Variants in KCNK1 observed in about 807,000 individuals in gnomAD.
KCNK1 encodes potassium two pore domain channel subfamily K member 1, also known as potassium channel subfamily K member 1.
A neutral mutation model predicts 22.2 loss-of-function variants in KCNK1; 10 were observed. The observed-to-expected ratio is 0.45, with a 90% CI of 0.28 to 0.76. The LOEUF (loss-of-function observed/expected upper bound fraction) is 0.76, where lower values mean the gene tolerates loss of function less well. Ranked by LOEUF, KCNK1 falls within the 30% of genes least tolerant of loss-of-function variation. The pLI is 0.14. For synonymous variants in KCNK1, 200 were observed against 186.4 expected, an observed-to-expected ratio of 1.07 and a Z score of -0.60; for missense variants, 378 against 421.0, an observed-to-expected ratio of 0.90 and a Z score of 0.89.
At chr1:233,652,091 A>G (rs547448950) in intron 1 of KCNK1, among the ~76,000 whole-genome samples, 2 of 152,280 alleles carry the variant, frequency 1.3e-5, no homozygotes, top group Admixed American at 6.5e-5. Flanking sequence ...CCAAGCAACA[A>G]TCAGGCTCAG....
chr1:233,623,030 T>C (rs915403175), intron 1 of KCNK1, among the ~76,000 whole-genome samples: 1 of 152,088 alleles, frequency 6.6e-6, no homozygotes, highest in African/African-American at 2.4e-5. Flanking sequence ...AGAGAGTCGG[T>C]GAAATCATGG....
intron 1 of KCNK1, among the ~76,000 whole-genome samples, chr1:233,654,345 TTAAAG>T (rs1305176514): frequency 2.6e-5 from 4 of 152,098 alleles, no homozygotes; most frequent in Admixed American, 6.5e-5. Context: ...ATCCCAGAAC[TTAAAG>T]TAAAAGAAAA....
rs562973152 is a variant in KCNK1 at position 233,672,398 on chromosome 1, C to T, written c.*868C>T. ...GAAAGTACATTGTGATTTGCAGCCA[C>T]CTAGCACTAAAGCATAGAACTTAAA... On this transcript the variant is annotated 3_prime_UTR_variant, in exon 3 of 3. Coordinates refer to ENST00000366621, the MANE Select transcript of KCNK1 (RefSeq NM_002245.4). The T allele has an allele frequency of 6.6e-6, 1 of 151,612 alleles. No homozygotes were observed. Among genetic ancestry groups the T allele is most frequent in the African/African-American group, 2.4e-5 (1 of 41,350 alleles). The allele number at this position is 151,612 out of a possible 1,614,324, so 9.4% of individuals were successfully genotyped here.
chr1:233,647,600 A>G (rs1658122160), intron 1 of KCNK1, among the ~76,000 whole-genome samples: 1 of 152,068 alleles, frequency 6.6e-6, no homozygotes, highest in Non-Finnish European at 1.5e-5. Context: ...CTCAACAGGG[A>G]GGGAGGGCTG....
At chr1:233,660,484 C>T (rs1333980186) in intron 1 of KCNK1, 1 of 152,192 alleles carries the variant, frequency 6.6e-6, no homozygotes, top group African/African-American at 2.4e-5. Context: ...GGACAGTCTT[C>T]ATTGATGACC....
intron 1 of KCNK1, among the ~76,000 whole-genome samples, chr1:233,634,887 G>A (rs1424881789): frequency 1.3e-5 from 2 of 152,194 alleles, no homozygotes; most frequent in Non-Finnish European, 2.9e-5. Context: ...TGGTCATTAT[G>A]TCCAGACAGA....
intron 1 of KCNK1, among the ~76,000 whole-genome samples, chr1:233,638,874 G>C (rs975387997): frequency 2.0e-5 from 3 of 152,208 alleles, no homozygotes; most frequent in African/African-American, 7.2e-5. Flanking sequence ...TTGGCTCTGT[G>C]GGGTAGTGTG....
intron 1 of KCNK1, among the ~76,000 whole-genome samples, chr1:233,626,505 G>A (rs941256722): frequency 2.6e-5 from 4 of 152,102 alleles, no homozygotes; most frequent in Admixed American, 6.5e-5. Flanking sequence ...ACAGCATGCC[G>A]TGATGTCATG....
chr1:233,619,640 G>A (rs573717710), intron 1 of KCNK1, among the ~76,000 whole-genome samples: 2 of 152,084 alleles, frequency 1.3e-5, no homozygotes, highest in South Asian at 2.1e-4. Context: ...GGCCAGACAC[G>A]GTGGCTTATG....
chr1:233,636,297 C>T (rs575813944), intron 1 of KCNK1, among the ~76,000 whole-genome samples: 3 of 152,236 alleles, frequency 2.0e-5, no homozygotes, highest in East Asian at 1.9e-4. Flanking sequence ...TTATGGGAGG[C>T]TGGGGCCGAT....
intron 1 of KCNK1, among the ~76,000 whole-genome samples, chr1:233,639,104 A>G (rs1031835847): frequency 3.9e-5 from 6 of 152,190 alleles, no homozygotes; most frequent in Non-Finnish European, 5.9e-5. Flanking sequence ...AAACAGATGA[A>G]TATATAGGGC....
intron 1 of KCNK1, among the ~76,000 whole-genome samples, chr1:233,623,551 A>C (rs1013960704): frequency 3.3e-5 from 5 of 152,236 alleles, no homozygotes; most frequent in African/African-American, 4.8e-5. Context: ...TAAATACGTA[A>C]AATTATTACG....
intron 1 of KCNK1, among the ~76,000 whole-genome samples, chr1:233,633,924 A>T (rs779902766): frequency 8.5e-5 from 13 of 152,232 alleles, no homozygotes; most frequent in Admixed American, 5.2e-4. Context: ...ATTTATTAAT[A>T]GCTGGGTACA....
intron 1 of KCNK1, among the ~76,000 whole-genome samples, chr1:233,645,055 G>A (rs1412070894): frequency 6.6e-6 from 1 of 150,810 alleles, no homozygotes; most frequent in African/African-American, 2.4e-5. Flanking sequence ...TTAGCTGGGT[G>A]TGGTGGCGGG....
intron 2 of KCNK1, among the ~76,000 whole-genome samples, chr1:233,669,203 T>G (rs548336571): frequency 6.6e-6 from 1 of 152,358 alleles, no homozygotes; most frequent in Non-Finnish European, 1.5e-5. Flanking sequence ...TGTTTTATTT[T>G]ATTTTATTCT....
chr1:233,670,091 A>G (rs1232518723), intron 2 of KCNK1, among the ~76,000 whole-genome samples: 1 of 152,196 alleles, frequency 6.6e-6, no homozygotes, highest in Admixed American at 6.5e-5. Flanking sequence ...TGGAGTTTTC[A>G]TCTTCACATT....
intron 1 of KCNK1, among the ~76,000 whole-genome samples, chr1:233,618,384 GTTT>G (rs201768311): frequency 6.8e-6 from 1 of 146,752 alleles, no homozygotes; most frequent in African/African-American, 2.5e-5. Flanking sequence ...TCTATACTGT[GTTT>G]TTTTTTTTTC....
intron 1 of KCNK1, among the ~76,000 whole-genome samples, chr1:233,640,241 G>A (rs770002131): frequency 6.6e-5 from 10 of 152,108 alleles, no homozygotes; most frequent in South Asian, 2.1e-4. Context: ...TCTAAAAGGC[G>A]TGGAAACATT....
At chr1:233,624,013 C>T (rs1657639251) in intron 1 of KCNK1, 1 of 152,532 alleles carries the variant, frequency 6.6e-6, no homozygotes, top group Non-Finnish European at 1.5e-5. Context: ...GGTTTCATTT[C>T]TCTGAGTATG....
Sources: gnomAD v4.1 joint callset for allele counts (sites outside exome capture counted in the v4.1 genomes callset) on GRCh38, gnomAD v4.1.1 for gene constraint, MANE v1.5 for transcripts, NCBI Gene and HGNC (gene_info 2026-07-23, HGNC 2026-07-21) for gene names.